KLHL2: variants seen among roughly 807,000 people sequenced by gnomAD.
KLHL2 encodes the protein kelch-like protein 2.
In KLHL2, 15 loss-of-function variants were observed where a neutral mutation model predicts 75.8. The observed-to-expected ratio is 0.20, with a 90% CI of 0.13 to 0.30. The LOEUF (loss-of-function observed/expected upper bound fraction) is 0.30, where lower values mean the gene tolerates loss of function less well. Among genes scored for constraint, KLHL2 ranks in the 10% least tolerant of loss-of-function variants. The probability of loss-of-function intolerance (pLI) is 1.00; values close to 1 mark genes in which losing one functional copy is unlikely to be tolerated. For synonymous variants in KLHL2, 214 were observed against 251.9 expected (o/e 0.85, Z 1.42); for missense variants, 381 against 741.0 (o/e 0.51, Z 5.64).
At chr4:165,218,602 G>A (rs1024564300) in intron 1 of KLHL2, among the ~76,000 whole-genome samples, 15 of 152,030 alleles carry the variant, frequency 9.9e-5, no homozygotes, top group Non-Finnish European at 1.9e-4. Flanking sequence ...TCCCTGACTT[G>A]TGCTGTCTTT....
chr4:165,266,993 T>G (rs1408243154), intron 5 of KLHL2, among the ~76,000 whole-genome samples: 1 of 152,046 alleles, frequency 6.6e-6, no homozygotes. Context: ...TCTTTTATTT[T>G]TTTGAGCAGT....
intron 13 of KLHL2, 146 bp from the exon 14 acceptor site, chr4:165,317,680 G>A (rs1007566107): frequency 2.3e-5 from 15 of 650,970 alleles, no homozygotes; most frequent in Middle Eastern, 4.2e-4. Context: ...AATATAAAAC[G>A]AATTCTTTTC....
At chr4:165,300,534 T>C (rs113027357) in intron 8 of KLHL2, among the ~76,000 whole-genome samples, 2 of 152,318 alleles carry the variant, frequency 1.3e-5, no homozygotes, top group African/African-American at 4.8e-5. Flanking sequence ...TTTTCCTATG[T>C]GAATGTTTAT....
At chr4:165,303,105 C>T (rs1745456212) in intron 8 of KLHL2, among the ~76,000 whole-genome samples, 1 of 152,146 alleles carries the variant, frequency 6.6e-6, no homozygotes, top group African/African-American at 2.4e-5. Flanking sequence ...CTCCTTGTCT[C>T]CTTTATCCCT....
chr4:165,216,081 C>T (rs1006504350), intron 1 of KLHL2, among the ~76,000 whole-genome samples: 1 of 152,162 alleles, frequency 6.6e-6, no homozygotes, highest in Non-Finnish European at 1.5e-5. Flanking sequence ...GTGGTGTTCT[C>T]AGAATTGTTA....
intron 1 of KLHL2, chr4:165,210,170 A>G (rs779209166): frequency 1.3e-6 from 2 of 1,551,542 alleles, no homozygotes; most frequent in African/African-American, 2.7e-5. Flanking sequence ...ACGGCCCCAG[A>G]TTCTCTTTGT....
chr4:165,234,773 A>G (rs1739193837), intron 3 of KLHL2, among the ~76,000 whole-genome samples: 1 of 151,280 alleles, frequency 6.6e-6, no homozygotes, highest in African/African-American at 2.4e-5. Context: ...CGAGATGGAA[A>G]TGTTTTTAGC....
chr4:165,279,138 C>G (rs1560798501), intron 5 of KLHL2: 1 of 1,602,632 alleles, frequency 6.2e-7, no homozygotes, highest in Non-Finnish European at 8.6e-7. Context: ...GCTCGTTTTT[C>G]TTCAACGGCC....
chr4:165,236,005 C>T (rs4328873), intron 3 of KLHL2, among the ~76,000 whole-genome samples: 67,110 of 150,532 alleles, frequency 0.45, 16,216 homozygotes, highest in African/African-American at 0.63. Flanking sequence ...AACTCCGTGC[C>T]CAAATTTGTG....
intron 4 of KLHL2, among the ~76,000 whole-genome samples, chr4:165,246,377 G>T (rs1216954674): frequency 1.3e-5 from 2 of 151,926 alleles, no homozygotes; most frequent in African/African-American, 4.8e-5. Flanking sequence ...TGTAGTTTGG[G>T]CAGGGAATTC....
Position 165,207,772 on chromosome 4 carries a change from C to A in KLHL2, c.-105C>A. The stretch of plus-strand genomic sequence containing the variant: ...GGAGAGCGCGGCGCCCCCTCCGGGG[C>A]GGATGGAACGCGGCTCGGCGGGCGG... On this transcript the variant is annotated 5_prime_UTR_variant, in exon 1 of 15. Transcript: ENST00000226725. This position sits in a 1 kb window ranked among gnomAD's most constrained non-coding sequence, Gnocchi z 4.2. 2.0e-6 allele frequency: 2 copies of A among 1,024,452 alleles called. No individual in the cohort carries two copies. Among genetic ancestry groups the A allele is most frequent in the Non-Finnish European group, 2.7e-6 (2 of 746,508 alleles). The allele number at this position is 1,024,452 out of a possible 1,614,324, so 63.5% of individuals were successfully genotyped here.
intron 4 of KLHL2, among the ~76,000 whole-genome samples, chr4:165,260,747 C>CT (rs2111221590): frequency 1.3e-5 from 2 of 152,140 alleles, no homozygotes; most frequent in African/African-American, 2.4e-5. Context: ...ACATTAAAGG[C>CT]TTTTTTCTAA....
intron 3 of KLHL2, among the ~76,000 whole-genome samples, chr4:165,235,028 TGCTAGTGAAA>T (rs1739221530): frequency 6.6e-6 from 1 of 152,158 alleles, no homozygotes. Context: ...ATGTGGTATT[TGCTAGTGAAA>T]GTGCTTGGCT....
intron 4 of KLHL2, among the ~76,000 whole-genome samples, chr4:165,248,410 G>A (rs1348270940): frequency 1.3e-5 from 2 of 152,090 alleles, no homozygotes; most frequent in Non-Finnish European, 2.9e-5. Flanking sequence ...TATACTAGAC[G>A]AAGTTGGCCA....
chr4:165,285,624 A>G (rs564658001), intron 5 of KLHL2, among the ~76,000 whole-genome samples: 4 of 152,198 alleles, frequency 2.6e-5, no homozygotes, highest in South Asian at 2.1e-4. Flanking sequence ...CCAGGCTGGT[A>G]TCGAACTTTT....
At chr4:165,279,396 T>C (rs1182286796) in intron 5 of KLHL2, 5 of 1,588,236 alleles carry the variant, frequency 3.1e-6, no homozygotes, top group Non-Finnish European at 4.3e-6. Flanking sequence ...GCTTTTATGT[T>C]GGAAATACCA....
chr4:165,224,015 A>G (rs760297596), intron 2 of KLHL2: 7 of 427,354 alleles, frequency 1.6e-5, no homozygotes, highest in South Asian at 1.1e-4. Flanking sequence ...CCTGGGTTCA[A>G]GCGATTGTCC....
intron 4 of KLHL2, among the ~76,000 whole-genome samples, chr4:165,252,210 T>C (rs1174663425): frequency 2.7e-5 from 4 of 148,324 alleles, no homozygotes; most frequent in African/African-American, 1.0e-4. Context: ...ACTAGAAATA[T>C]ATCCAGTTCA....
At chr4:165,256,391 A>G (rs1414946928) in intron 4 of KLHL2, among the ~76,000 whole-genome samples, 1 of 152,216 alleles carries the variant, frequency 6.6e-6, no homozygotes, top group African/African-American at 2.4e-5. Flanking sequence ...ATGTCCTTCT[A>G]CTTCATGTTT....
Sources: allele counts gnomAD v4.1 joint callset (sites outside exome capture counted in the v4.1 genomes callset), GRCh38; gene constraint gnomAD v4.1.1; non-coding constraint Gnocchi (gnomAD v3.1); transcripts MANE v1.5; gene names NCBI Gene and HGNC (gene_info 2026-07-23, HGNC 2026-07-21).